TMPRSS13: variants seen among roughly 807,000 people sequenced by gnomAD.
The protein encoded by TMPRSS13 is transmembrane serine protease 13.
TMPRSS13 carries 50 observed loss-of-function variants against 68.4 expected under a neutral mutation model. The ratio of observed to expected loss-of-function variants is 0.73; its 90% CI spans 0.58 to 0.93. The LOEUF is 0.93. TMPRSS13 is among the 40% of genes least tolerant of loss of function. The probability of loss-of-function intolerance (pLI) is 0.00; values close to 1 mark genes in which losing one functional copy is unlikely to be tolerated. For missense variants in TMPRSS13, 615 were observed against 729.2 expected (o/e 0.84, Z 1.80); for synonymous variants, 267 against 285.8 (o/e 0.93, Z 0.66).
Position 117,901,556 on chromosome 11 carries a change from G to A in TMPRSS13, c.*683C>T, listed in dbSNP as rs991591412. On this transcript the variant is annotated 3_prime_UTR_variant, in exon 13 of 13. Coordinates refer to ENST00000524993, the MANE Select transcript of TMPRSS13 (RefSeq NM_001077263.3). ...TTTTGGAGAATCTTTAAAAATACCC[G>A]TATTTTCATTTCTTAAATATAAAAA... 3.3e-5 allele frequency: 5 copies of A among 152,076 alleles called. No homozygotes were observed. Among genetic ancestry groups the A allele is most frequent in the East Asian group, 1.9e-4 (1 of 5,194 alleles). The allele number at this position is 152,076 out of a possible 1,614,324, so 9.4% of individuals were successfully genotyped here. A position where few individuals can be genotyped will look rare whatever the true frequency, so the allele number is the denominator to read the frequency against.
chr11:117,910,690 GA>G lies in TMPRSS13; in HGVS notation c.946+16del. ...CCACACGACACTGGCCACAATCCAA[GA>G]AGAAGAACATCTTACGGGAACACTG... On this transcript the variant is annotated intron_variant, in intron 7 of 12. Transcript: ENST00000524993. The G allele has an allele frequency of 6.2e-7, 1 of 1,604,756 alleles. No individual in the cohort carries two copies. Among genetic ancestry groups the G allele is most frequent in the African/African-American group, 1.3e-5 (1 of 74,778 alleles).
intron 1 of TMPRSS13, among the ~76,000 whole-genome samples, chr11:117,920,613 C>G (rs146458698): frequency 6.6e-6 from 1 of 152,124 alleles, no homozygotes; most frequent in African/African-American, 2.4e-5. Context: ...CTCAGCCTCC[C>G]GAGAAGCTGG....
intron 8 of TMPRSS13, among the ~76,000 whole-genome samples, chr11:117,909,478 T>G (rs1029359844): frequency 1.3e-5 from 2 of 152,228 alleles, no homozygotes; most frequent in African/African-American, 4.8e-5. Flanking sequence ...ATGAGTTCCA[T>G]TTGCAGGAAG....
chr11:117,910,753 G>T lies in TMPRSS13; in HGVS notation c.903-3C>A. 6.2e-7 allele frequency: 1 copy of T among 1,606,288 alleles called. No individual in the cohort carries two copies. Among genetic ancestry groups the T allele is most frequent in the South Asian group, 1.1e-5 (1 of 89,742 alleles). ...ACCGCTGGGAAGGGCATTCAGACCT[G>T]CAGGGGGAGACACAGAAAGTGGGAA... On this transcript the variant is annotated splice_region_variant and splice_polypyrimidine_tract_variant and intron_variant, in intron 6 of 12. Transcript: ENST00000524993.
chr11:117,917,142 C>T, intron 3 of TMPRSS13, 28 bp downstream of exon 3: 1 of 1,593,530 alleles, frequency 6.3e-7, no homozygotes, highest in Non-Finnish European at 8.6e-7. Context: ...TGCCCAGAAC[C>T]CACCCCTGCA....
chr11:117,910,678 G>A, intron 7 of TMPRSS13, 29 bp downstream of exon 7: 1 of 1,600,310 alleles, frequency 6.2e-7, no homozygotes, highest in African/African-American at 1.3e-5. Context: ...CACGACACTG[G>A]CCACAATCCA....
At chr11:117,918,319 A>C in intron 2 of TMPRSS13, 90 bp downstream of exon 2, 2 of 1,420,136 alleles carry the variant, frequency 1.4e-6, no homozygotes, top group Non-Finnish European at 1.9e-6. Flanking sequence ...GTTGTCTGCT[A>C]TGAGAGCAGA....
chr11:117,905,615 A>C, intron 10 of TMPRSS13, 23 bp downstream of exon 10: 1 of 1,569,802 alleles, frequency 6.4e-7, no homozygotes, highest in Non-Finnish European at 8.7e-7. Context: ...ACATACACAC[A>C]ACCAAGCATC....
Position 117,912,846 on chromosome 11 carries a change from G to A in TMPRSS13, c.809+931C>T, listed in dbSNP as rs557838588. On this transcript the variant is annotated intron_variant, in intron 5 of 12. Transcript: ENST00000524993. The stretch of plus-strand genomic sequence containing the variant: ...AGGTACTACACAGTATCTAGCACAC[G>A]ATAAAAGCTCAATGAATATTCTTTG... Among the ~76,000 whole-genome samples, 82 of 152,280 alleles carry A rather than the reference G, an allele frequency of 5.4e-4. 1 individual carries two copies. The highest frequency in any genetic ancestry group is 1.9e-3 in the African/African-American group (81 of 41,548).
At chr11:117,902,962 G>A (rs1316777510) in intron 12 of TMPRSS13, 3 of 1,014,130 alleles carry the variant, frequency 3.0e-6, no homozygotes, top group African/African-American at 3.5e-5. Context: ...GGCACACACT[G>A]AAGGGTCTGT....
At chr11:117,909,996 A>G in intron 7 of TMPRSS13, 28 bp from the exon 8 acceptor site, 2 of 1,604,044 alleles carry the variant, frequency 1.2e-6, no homozygotes, top group Non-Finnish European at 1.7e-6. Context: ...ACGTACTGTG[A>G]ACCCTGTTTC....
chr11:117,918,286 C>T (rs2057598932), intron 2 of TMPRSS13, 123 bp downstream of exon 2: 5 of 1,230,554 alleles, frequency 4.1e-6, no homozygotes, highest in South Asian at 3.1e-5. Context: ...CTTCCCACCC[C>T]CCTACCTCCC....
At chr11:117,913,936 C>T (rs2057547326) in intron 4 of TMPRSS13, 30 bp from the exon 5 acceptor site, 1 of 1,608,502 alleles carries the variant, frequency 6.2e-7, no homozygotes, top group Non-Finnish European at 8.5e-7. Flanking sequence ...CAGAGCAGGT[C>T]CTCAGCACCT....
intron 1 of TMPRSS13, among the ~76,000 whole-genome samples, chr11:117,924,296 G>A (rs2057680109): frequency 6.6e-6 from 1 of 152,034 alleles, no homozygotes; most frequent in African/African-American, 2.4e-5. Flanking sequence ...GGTGGGGACG[G>A]TGCCAATTCT....
At chr11:117,920,094 C>T (rs1478680201) in intron 1 of TMPRSS13, among the ~76,000 whole-genome samples, 1 of 152,084 alleles carries the variant, frequency 6.6e-6, no homozygotes, top group African/African-American at 2.4e-5. Context: ...CCTGGGGCAT[C>T]GGGGTCAGGT....
chr11:117,908,788 C>G lies in TMPRSS13; in HGVS notation c.1110-4G>C, dbSNP rs1311539953. On this transcript the variant is annotated splice_polypyrimidine_tract_variant and splice_region_variant and intron_variant, in intron 8 of 12. Transcript: ENST00000524993. Reference sequence around the variant, plus strand: ...CTCCAGGACCTTCTCCCGGGTCCTGCAAGAGCCACAAAGGAGCGTGGTCCA... The same window carrying G: ...CTCCAGGACCTTCTCCCGGGTCCTGGAAGAGCCACAAAGGAGCGTGGTCCA... 4 of 1,597,032 alleles carry G rather than the reference C, an allele frequency of 2.5e-6. 1 individual carries two copies. In the South Asian group the frequency reaches 3.4e-5, roughly 14 times the overall value.
At chr11:117,904,946 T>G (rs1223577989) in intron 10 of TMPRSS13, among the ~76,000 whole-genome samples, 1 of 144,012 alleles carries the variant, frequency 6.9e-6, no homozygotes, top group African/African-American at 2.5e-5. Flanking sequence ...CAGGCTAGAG[T>G]GCAGTGGCAT....
chr11:117,923,810 T>A (rs2057670611), intron 1 of TMPRSS13, among the ~76,000 whole-genome samples: 1 of 129,492 alleles, frequency 7.7e-6, no homozygotes, highest in Non-Finnish European at 1.6e-5. Context: ...GTTGTGCACA[T>A]GTACCCTAGA....
chr11:117,904,126 A>C, intron 10 of TMPRSS13, 25 bp from the exon 11 acceptor site: 2 of 1,610,594 alleles, frequency 1.2e-6, no homozygotes, highest in Non-Finnish European at 8.5e-7. Context: ...GGTGGAGGAG[A>C]CAGAGGATGG....
Sources: gnomAD v4.1 joint callset for allele counts (sites outside exome capture counted in the v4.1 genomes callset) on GRCh38, gnomAD v4.1.1 for gene constraint, MANE v1.5 for transcripts, NCBI Gene and HGNC (gene_info 2026-07-23, HGNC 2026-07-21) for gene names.